CTIF: variants seen among roughly 807,000 people sequenced by gnomAD.
CTIF encodes the protein cap binding complex dependent translation initiation factor.
CTIF carries 21 observed loss-of-function variants against 66.0 expected under a neutral mutation model. That is an observed-to-expected ratio of 0.32 (90% CI 0.23 to 0.46). The LOEUF (loss-of-function observed/expected upper bound fraction) is 0.46. Ranked by LOEUF, CTIF falls within the 20% of genes least tolerant of loss-of-function variation. The pLI is 1.00. For missense variants in CTIF, 739 were observed against 812.7 expected (o/e 0.91, Z 1.10); for synonymous variants, 345 against 326.4 (o/e 1.06, Z -0.62).
At chr18:48,781,396 G>A (rs1002113401) in intron 9 of CTIF, among the ~76,000 whole-genome samples, 8 of 152,214 alleles carry the variant, frequency 5.3e-5, no homozygotes, top group Non-Finnish European at 7.3e-5. Flanking sequence ...GGATTTGGCC[G>A]GGCCCCAGGG....
chr18:48,641,496 G>A (rs1438118977), intron 3 of CTIF, among the ~76,000 whole-genome samples: 2 of 152,212 alleles, frequency 1.3e-5, no homozygotes, highest in Non-Finnish European at 2.9e-5. Context: ...TGTCACAAAT[G>A]ATGACTTTGA....
At chr18:48,728,522 G>T (rs575971814) in intron 7 of CTIF, among the ~76,000 whole-genome samples, 4 of 152,296 alleles carry the variant, frequency 2.6e-5, no homozygotes, top group Non-Finnish European at 4.4e-5. Context: ...AGGGTCTCTC[G>T]TGAGATTGTG....
chr18:48,778,901 T>C (rs1333730983), intron 9 of CTIF, among the ~76,000 whole-genome samples: 1 of 152,164 alleles, frequency 6.6e-6, no homozygotes. Flanking sequence ...GTTTGTTTCT[T>C]TTTGTTCTGG....
At chr18:48,856,241 A>G (rs1224610977) in intron 10 of CTIF, among the ~76,000 whole-genome samples, 1 of 152,210 alleles carries the variant, frequency 6.6e-6, no homozygotes, top group Non-Finnish European at 1.5e-5. Context: ...AGAGTGAATC[A>G]GAAAACTGGG....
At chr18:48,620,317 T>A (rs1360273102) in intron 2 of CTIF, among the ~76,000 whole-genome samples, 3 of 152,186 alleles carry the variant, frequency 2.0e-5, no homozygotes, top group African/African-American at 7.2e-5. Context: ...GTCTGTGGCA[T>A]CCCTGACCTT....
At chr18:48,828,497 C>T (rs1868514855) in intron 10 of CTIF, among the ~76,000 whole-genome samples, 1 of 152,208 alleles carries the variant, frequency 6.6e-6, no homozygotes, top group South Asian at 2.1e-4. Context: ...TTCCAGTTCC[C>T]TCCCGGGGAG....
At chr18:48,752,769 C>T (rs565263418) in intron 7 of CTIF, among the ~76,000 whole-genome samples, 2 of 152,344 alleles carry the variant, frequency 1.3e-5, no homozygotes, top group South Asian at 4.1e-4. Flanking sequence ...GGACACCCAT[C>T]ATCCGAATCA....
chr18:48,661,097 G>A (rs1444047309), intron 3 of CTIF, among the ~76,000 whole-genome samples: 2 of 152,210 alleles, frequency 1.3e-5, no homozygotes, highest in Admixed American at 6.5e-5. Context: ...GCCCTCCTGT[G>A]TGCCTGGCTT....
intron 1 of CTIF, among the ~76,000 whole-genome samples, chr18:48,591,872 T>C (rs1297371775): frequency 6.6e-6 from 1 of 152,210 alleles, no homozygotes; most frequent in South Asian, 2.1e-4. Flanking sequence ...CTCAGCCTCC[T>C]AAGCAGCTGG....
At chr18:48,699,092 CTCT>C (rs2092047233) in intron 6 of CTIF, among the ~76,000 whole-genome samples, 1 of 152,200 alleles carries the variant, frequency 6.6e-6, no homozygotes. Flanking sequence ...CTCTTCCCCA[CTCT>C]TCTTATCTGT....
chr18:48,810,231 G>T (rs1187254949), intron 9 of CTIF, among the ~76,000 whole-genome samples: 1 of 152,014 alleles, frequency 6.6e-6, no homozygotes, highest in Non-Finnish European at 1.5e-5. Flanking sequence ...CACTTCAAGG[G>T]CTCAATATAT....
chr18:48,690,968 G>C (rs1200528341), intron 6 of CTIF, among the ~76,000 whole-genome samples: 1 of 152,168 alleles, frequency 6.6e-6, no homozygotes, highest in Non-Finnish European at 1.5e-5. Context: ...GCACACGGCA[G>C]CTCCTGGGGC....
intron 1 of CTIF, among the ~76,000 whole-genome samples, chr18:48,560,906 G>C (rs889470195): frequency 6.6e-5 from 10 of 152,130 alleles, no homozygotes; most frequent in Non-Finnish European, 1.5e-4. Flanking sequence ...CTGAGGTTTA[G>C]ATTCATCTTC....
chr18:48,634,155 G>T (rs148829196), intron 2 of CTIF, among the ~76,000 whole-genome samples: 117 of 152,198 alleles, frequency 7.7e-4, no homozygotes, highest in Non-Finnish European at 1.4e-3. Context: ...CATTAATTTG[G>T]GTGGCGTGAT....
rs1018308655 is a variant in CTIF, at chr18:48,670,759, A to G, written c.507+15A>G. The G allele has an allele frequency of 1.2e-6, 2 of 1,611,356 alleles. No individual in the cohort carries two copies. Among genetic ancestry groups the G allele is most frequent in the African/African-American group, 1.3e-5 (1 of 74,878 alleles). ...CAGCCTGGCAGGTAGGTGCAGGGGC[A>G]GGCTCTCTAACAGCCCACCCCCACC... On this transcript the variant is annotated intron_variant, in intron 6 of 11. Transcript: ENST00000256413.
intron 3 of CTIF, among the ~76,000 whole-genome samples, chr18:48,653,347 C>A (rs1453041411): frequency 6.6e-6 from 1 of 152,036 alleles, no homozygotes; most frequent in Admixed American, 6.6e-5. Context: ...AAACAGAGAG[C>A]CAAATCGTGA....
chr18:48,827,179 A>G (rs908591742), intron 10 of CTIF, among the ~76,000 whole-genome samples: 1 of 152,222 alleles, frequency 6.6e-6, no homozygotes, highest in Non-Finnish European at 1.5e-5. Context: ...GTTTTAAGCC[A>G]GAAAGCAACA....
intron 1 of CTIF, among the ~76,000 whole-genome samples, chr18:48,604,477 G>C (rs11875394): frequency 0.074 from 11,270 of 151,948 alleles, 1,373 homozygotes; most frequent in African/African-American, 0.26. Flanking sequence ...TGCGCCCGGC[G>C]TTTTAAGGCT....
At chr18:48,780,586 C>T (rs1475663762) in intron 9 of CTIF, among the ~76,000 whole-genome samples, 1 of 152,220 alleles carries the variant, frequency 6.6e-6, no homozygotes, top group African/African-American at 2.4e-5. Context: ...TCCCTGCGAG[C>T]TTGGCGGGGC....
Sources: allele counts gnomAD v4.1 joint callset (sites outside exome capture counted in the v4.1 genomes callset), GRCh38; gene constraint gnomAD v4.1.1; transcripts MANE v1.5; gene names NCBI Gene and HGNC (gene_info 2026-07-23, HGNC 2026-07-21).